The following MYOM1 variants were observed in gnomAD, a reference collection of about 807,000 sequenced individuals.
MYOM1 encodes the protein myomesin-1.
In MYOM1, 164 loss-of-function variants were observed where a neutral mutation model predicts 205.3. That is an observed-to-expected ratio of 0.80 (90% CI 0.70 to 0.91). MYOM1 has a LOEUF of 0.91. Ranked by LOEUF, MYOM1 falls within the 40% of genes least tolerant of loss-of-function variation. MYOM1 has a pLI of 0.00. For synonymous variants in MYOM1, 772 were observed against 789.4 expected, an observed-to-expected ratio of 0.98 and a Z score of 0.37; for missense variants, 2,011 against 2,127.3, an observed-to-expected ratio of 0.95 and a Z score of 1.08.
Position 3,147,042 on chromosome 18 carries a change from AATATTAT to A in MYOM1, c.1900+2096_1900+2102del, listed in dbSNP as rs1195744067. On this transcript the variant is annotated intron_variant, in intron 13 of 37. Coordinates refer to ENST00000356443, the MANE Select transcript of MYOM1 (RefSeq NM_003803.4). ...AGCATCATCAGAAATATTATATATAAATATTATATATTATATATAAATATATATCTTA... is the reference window on the plus strand; with the variant it reads ...AGCATCATCAGAAATATTATATATAAATATTATATATAAATATATATCTTA... 2.5e-3 allele frequency among the ~76,000 whole-genome samples: 360 copies of A among 142,652 alleles called. 2 individuals carry two copies. The highest frequency in any genetic ancestry group is 9.4e-3 in the African/African-American group (343 of 36,636). 93.6% of individuals were successfully genotyped at this position (142,652 alleles called of 152,430 possible). A position where few individuals can be genotyped will look rare whatever the true frequency, so the allele number is the denominator to read the frequency against.
intron 28 of MYOM1, 26 bp from the exon 29 acceptor site, chr18:3,089,267 A>G (rs2143704825): frequency 6.4e-7 from 1 of 1,551,722 alleles, no homozygotes. Context: ...GACATTAGCA[A>G]TTACTCTATT....
In MYOM1 at chr18:3,156,601, CTTCT is replaced by C. The variant is rs536068761; in HGVS notation, c.1502-1517_1502-1514del. Among the ~76,000 whole-genome samples the C allele has an allele frequency of 2.1e-4, 32 of 150,872 alleles. No homozygotes were observed. The South Asian group carries it at 3.6e-3, about 17-fold the overall frequency. ...AAATGAGCATTTTGATGAGGAGACA[CTTCT>C]TTCTTTTTTTTTTTTTTTGAGACAG... is the stretch of plus-strand genomic sequence containing the variant. On this transcript the variant is annotated intron_variant, in intron 10 of 37. Transcript: ENST00000356443.
rs565445761 is a variant in MYOM1, at chr18:3,183,016, G to A, written c.929+4464C>T. Reference sequence around the variant, plus strand: ...GTGATCTCAGCTCACCGCAACCTCCGCCTTCCGCGTTCCATCGATTCTCCT... The same window carrying A: ...GTGATCTCAGCTCACCGCAACCTCCACCTTCCGCGTTCCATCGATTCTCCT... On this transcript the variant is annotated intron_variant, in intron 5 of 37. Transcript: ENST00000356443. 2.7e-4 allele frequency among the ~76,000 whole-genome samples: 36 copies of A among 134,366 alleles called. No homozygotes were observed. The Admixed American group carries it at 3.1e-3, about 12-fold the overall frequency. The allele number at this position is 134,366 out of a possible 152,430, so 88.1% of individuals were successfully genotyped here.
In MYOM1 at chr18:3,123,676, AT is replaced by A. The variant is rs1356723349; in HGVS notation, c.2991+3024del. Among the ~76,000 whole-genome samples, 692 of 140,200 alleles carry A rather than the reference AT, an allele frequency of 4.9e-3. 4 individuals carry two copies. The highest frequency in any genetic ancestry group is 9.3e-3 in the African/African-American group (358 of 38,672). 92.0% of individuals were successfully genotyped at this position (140,200 alleles called of 152,430 possible). A position where few individuals can be genotyped will look rare whatever the true frequency, so the allele number is the denominator to read the frequency against. ...TTTTGTCTTACTTATTATTATTACT[AT>A]TTTTTTTTTTTTGGTAGAACTTGGG... is the stretch of plus-strand genomic sequence containing the variant. On this transcript the variant is annotated intron_variant, in intron 19 of 37. Coordinates refer to ENST00000356443, the MANE Select transcript of MYOM1 (RefSeq NM_003803.4).
At chr18:3,174,425 T>C (rs567490511) in intron 6 of MYOM1, among the ~76,000 whole-genome samples, 69 of 152,152 alleles carry the variant, frequency 4.5e-4, no homozygotes, top group African/African-American at 1.5e-3. Flanking sequence ...GCCAGCAGCA[T>C]AGACTGGGGA....
At chr18:3,225,126 T>G in the MYOM1 span, among the ~76,000 whole-genome samples, 1 of 152,184 alleles carries the variant, frequency 6.6e-6, no homozygotes, top group South Asian at 2.1e-4. Flanking sequence ...TAGCTGGGAC[T>G]ACAGGCACCT....
intron 26 of MYOM1, among the ~76,000 whole-genome samples, chr18:3,092,354 C>A (rs2079236968): frequency 6.6e-6 from 1 of 152,018 alleles, no homozygotes; most frequent in Non-Finnish European, 1.5e-5. Flanking sequence ...CTATGCCTCA[C>A]CAATTTTTAA....
At position 3,100,390 on chromosome 18, in the gene MYOM1, G is replaced by A. The variant is rs753287288; in HGVS notation, c.3612C>T (p.Asp1204=). 6 of 1,613,900 alleles carry A rather than the reference G, an allele frequency of 3.7e-6. No homozygotes were observed. The South Asian group carries it at 6.6e-5, about 18-fold the overall frequency. The change falls in exon 24 of 38, where the codon GAC becomes GAT. Residue 1204 remains aspartate (D), a synonymous_variant. Coordinates refer to ENST00000356443, the MANE Select transcript of MYOM1 (RefSeq NM_003803.4). ...KMTFKDLGMD[D]LGIYSCDVTD... is the part of the protein sequence containing the mutation. ...TTACATCGCAAGAGTAAATACCCAA[G>A]TCATCCATCCCAAGGTCTTTGAAGG...
the MYOM1 span, among the ~76,000 whole-genome samples, chr18:3,245,130 C>T: frequency 1.3e-4 from 20 of 152,196 alleles, no homozygotes; most frequent in Non-Finnish European, 2.4e-4. Flanking sequence ...TTGTTTAAGC[C>T]GCCCAGTGTG....
intron 26 of MYOM1, among the ~76,000 whole-genome samples, chr18:3,092,916 G>A (rs974704825): frequency 1.4e-4 from 22 of 152,204 alleles, no homozygotes; most frequent in African/African-American, 4.8e-4. Context: ...AGGGGAGTAC[G>A]TCTATATGCA....
chr18:3,187,848 T>C (rs1040722211), intron 4 of MYOM1, among the ~76,000 whole-genome samples: 1 of 150,936 alleles, frequency 6.6e-6, no homozygotes, highest in African/African-American at 2.4e-5. Flanking sequence ...ACATCTTTGA[T>C]TTCTTTTTCT....
At chr18:3,148,104 G>T (rs2080156362) in intron 13 of MYOM1, among the ~76,000 whole-genome samples, 1 of 152,210 alleles carries the variant, frequency 6.6e-6, no homozygotes, top group South Asian at 2.1e-4. Flanking sequence ...GACAATGCGG[G>T]AGCAAGTGGA....
chr18:3,227,912 C>A, the MYOM1 span, among the ~76,000 whole-genome samples: 1 of 152,000 alleles, frequency 6.6e-6, no homozygotes, highest in South Asian at 2.1e-4. Context: ...GAACTGTATC[C>A]CTAAAATGGC....
At position 3,069,878 on chromosome 18, in the gene MYOM1, T is replaced by A. The variant is rs150819836; in HGVS notation, c.4764+1956A>T. On this transcript the variant is annotated intron_variant, in intron 37 of 37. Coordinates refer to ENST00000356443, the MANE Select transcript of MYOM1 (RefSeq NM_003803.4). ...AGAGAGTTGTATATTTTTAACCTTA[T>A]TAGGTGAGGAAAATGGAAAAGACAG... 1.8e-4 allele frequency among the ~76,000 whole-genome samples: 28 copies of A among 152,304 alleles called. No homozygotes were observed. The East Asian group carries it at 5.2e-3, about 28-fold the overall frequency.
chr18:3,233,298 T>C, the MYOM1 span, among the ~76,000 whole-genome samples: 10 of 152,224 alleles, frequency 6.6e-5, no homozygotes, highest in Non-Finnish European at 1.3e-4. Flanking sequence ...AAAACTCCCT[T>C]ACTTTTTCTA....
intron 11 of MYOM1, 34 bp from the exon 12 acceptor site, chr18:3,151,927 A>C: frequency 6.3e-7 from 1 of 1,594,330 alleles, no homozygotes; most frequent in Non-Finnish European, 8.6e-7. Context: ...AAAAATATTA[A>C]AAGAAGTATG....
At chr18:3,208,778 G>GA (rs1433241360) in intron 2 of MYOM1, among the ~76,000 whole-genome samples, 2 of 151,840 alleles carry the variant, frequency 1.3e-5, no homozygotes, top group South Asian at 4.2e-4. Flanking sequence ...GTTTCTAAAG[G>GA]AAAAAAAGTA....
chr18:3,192,045 T>A (rs1461056116), intron 3 of MYOM1, among the ~76,000 whole-genome samples: 1 of 152,136 alleles, frequency 6.6e-6, no homozygotes, highest in Non-Finnish European at 1.5e-5. Context: ...CTTCTTGAGA[T>A]TGGCCCGGAA....
chr18:3,167,177 G>A (rs1811798688), intron 9 of MYOM1, among the ~76,000 whole-genome samples: 1 of 152,170 alleles, frequency 6.6e-6, no homozygotes, highest in Non-Finnish European at 1.5e-5. Flanking sequence ...ATAAAAGGAG[G>A]CACATGGTAG....
Sources: allele counts gnomAD v4.1 joint callset (sites outside exome capture counted in the v4.1 genomes callset), GRCh38; gene constraint gnomAD v4.1.1; transcripts MANE v1.5; gene names NCBI Gene and HGNC (gene_info 2026-07-23, HGNC 2026-07-21).